Variants in SMPD4 observed in about 807,000 individuals in gnomAD.
SMPD4 encodes sphingomyelin phosphodiesterase 4.
A neutral mutation model predicts 97.8 loss-of-function variants in SMPD4; 58 were observed. The ratio of observed to expected loss-of-function variants is 0.59; its 90% confidence interval spans 0.48 to 0.74. The LOEUF (loss-of-function observed/expected upper bound fraction) is 0.74, where lower values mean the gene tolerates loss of function less well. SMPD4 is among the 30% of genes least tolerant of loss of function. The probability of loss-of-function intolerance (pLI) is 0.00; values close to 1 mark genes in which losing one functional copy is unlikely to be tolerated. For missense variants in SMPD4, 853 were observed against 1,080.5 expected (o/e 0.79, Z 2.95); for synonymous variants, 388 against 450.0 (o/e 0.86, Z 1.74).
At chr2:130,158,698 C>A (rs949707977) in intron 11 of SMPD4, among the ~76,000 whole-genome samples, 2 of 152,072 alleles carry the variant, frequency 1.3e-5, no homozygotes, top group African/African-American at 2.4e-5. Context: ...GGCAGGTGGG[C>A]GCATCGAGAG....
chr2:130,163,157 C>G (rs140116463), intron 10 of SMPD4, among the ~76,000 whole-genome samples: 12 of 152,386 alleles, frequency 7.9e-5, no homozygotes, highest in Non-Finnish European at 1.6e-4. Context: ...CACGCCACGC[C>G]ACATGCACGA....
rs142323338 is a variant in SMPD4 at position 130,159,284 on chromosome 2, C to T, written c.952-1888G>A. On this transcript the variant is annotated intron_variant, in intron 11 of 19. Transcript: ENST00000680298. ...TGCTGGGATTACAAGCATGAGCCAT[C>T]GTGGCTGGCTATTTTTCTCTATCTG... 7.8e-3 allele frequency among the ~76,000 whole-genome samples: 1,186 copies of T among 152,100 alleles called. 17 individuals carry two copies. Among genetic ancestry groups the T allele is most frequent in the African/African-American group, 0.027 (1,117 of 41,514 alleles).
At position 130,152,699 on chromosome 2, in the gene SMPD4, C is replaced by A. The variant is rs577449039; in HGVS notation, c.2340G>T (p.Leu780=). The A allele has an allele frequency of 6.3e-7, 1 of 1,575,614 alleles. No homozygotes were observed. Among genetic ancestry groups the A allele is most frequent in the Non-Finnish European group, 8.6e-7 (1 of 1,161,958 alleles). Residue 780 remains leucine (L), a synonymous_variant, in exon 20 of 20, where the codon CTG becomes CTT. Coordinates refer to ENST00000680298, the MANE Select transcript of SMPD4 (RefSeq NM_017951.5). ...CGAAGAAGGCCAGCAGCAGCGAGAC[C>A]AGCGTCCGGTAACTGCCCAGGAAGC... The part of the protein sequence containing the change: ...SLRFLGSYRT[L]VSLLLAFFVA...
intron 19 of SMPD4, 33 bp from the exon 20 acceptor site, chr2:130,152,917 G>C (rs1300905124): frequency 6.4e-7 from 1 of 1,564,038 alleles, no homozygotes; most frequent in Non-Finnish European, 8.7e-7. Flanking sequence ...GGGATGTGGG[G>C]TGGTGGCACC....
intron 9 of SMPD4, 74 bp from the exon 10 acceptor site, chr2:130,164,519 T>C: frequency 8.1e-7 from 1 of 1,236,362 alleles, no homozygotes; most frequent in South Asian, 1.3e-5. Flanking sequence ...AAGGACAGTG[T>C]CTCCAACAAG....
At position 130,152,150 on chromosome 2, in the gene SMPD4, T is replaced by C; in HGVS notation, c.*405A>G. The C allele has an allele frequency of 5.2e-6, 1 of 192,682 alleles. No individual in the cohort carries two copies. The allele number at this position is 192,682 out of a possible 1,614,324, so 11.9% of individuals were successfully genotyped here. A position where few individuals can be genotyped will look rare whatever the true frequency, so the allele number is the denominator to read the frequency against. ...AGAGAGGAAGCGCCACAACCCACTC[T>C]GCCAACCTCAAGGCCAGCCAGTGGG... On this transcript the variant is annotated 3_prime_UTR_variant, in exon 20 of 20. Coordinates refer to ENST00000680298, the MANE Select transcript of SMPD4 (RefSeq NM_017951.5).
intron 16 of SMPD4, 140 bp downstream of exon 16, chr2:130,154,137 T>G (rs1017346037): frequency 5.0e-6 from 6 of 1,204,228 alleles, no homozygotes; most frequent in Non-Finnish European, 6.9e-6. Flanking sequence ...AAATTAGACT[T>G]TACTAAAACG....
intron 15 of SMPD4, 50 bp from the exon 16 acceptor site, chr2:130,154,532 C>G (rs1178422514): frequency 2.6e-6 from 4 of 1,550,496 alleles, no homozygotes; most frequent in Non-Finnish European, 3.5e-6. Flanking sequence ...GGCAGAGTAC[C>G]CGACTGCTGC....
At chr2:130,174,672 C>A (rs1424949605) in intron 3 of SMPD4, among the ~76,000 whole-genome samples, 3 of 152,168 alleles carry the variant, frequency 2.0e-5, no homozygotes, top group Non-Finnish European at 4.4e-5. Context: ...GATGTGACAA[C>A]CAAAAATGTC....
chr2:130,159,045 G>A (rs574837901), intron 11 of SMPD4, among the ~76,000 whole-genome samples: 9 of 152,140 alleles, frequency 5.9e-5, no homozygotes, highest in African/African-American at 1.9e-4. Context: ...TGTCACCCGC[G>A]CTGTAGTGTC....
Position 130,161,215 on chromosome 2 carries a change from G to A in SMPD4, c.922C>T (p.Pro308Ser). 6.2e-7 allele frequency: 1 copy of A among 1,613,874 alleles called. No individual in the cohort carries two copies. Among genetic ancestry groups the A allele is most frequent in the African/African-American group, 1.3e-5 (1 of 75,050 alleles). ...VSSALYSPAQ[P>S]SLQALHAYQE... Reference sequence around the variant, plus strand: ...TAGGCGTGGAGGGCCTGGAGGCTGGGTTGGGCGGGGCTGTAGAGGGCGCTG... The same window carrying A: ...TAGGCGTGGAGGGCCTGGAGGCTGGATTGGGCGGGGCTGTAGAGGGCGCTG... Residue 308 changes from proline to serine, a missense_variant, in exon 11 of 20, where the codon CCC (proline) becomes TCC (serine). Transcript: ENST00000680298.
intron 9 of SMPD4, among the ~76,000 whole-genome samples, chr2:130,165,531 A>AATT (rs1687851974): frequency 6.6e-6 from 1 of 152,234 alleles, no homozygotes; most frequent in African/African-American, 2.4e-5. Flanking sequence ...TTCAGCCCTA[A>AATT]AAAGCAAGGA....
intron 13 of SMPD4, 143 bp from the exon 14 acceptor site, chr2:130,156,278 GT>G (rs996932369): frequency 2.6e-6 from 2 of 766,758 alleles, no homozygotes; most frequent in Non-Finnish European, 4.2e-6. Flanking sequence ...GCACAGCCCT[GT>G]GAGGTTTGGC....
intron 1 of SMPD4, among the ~76,000 whole-genome samples, chr2:130,179,154 C>G (rs1202072157): frequency 6.8e-6 from 1 of 147,092 alleles, no homozygotes; most frequent in Non-Finnish European, 1.5e-5. Flanking sequence ...GACAGAGTCT[C>G]GCTCTGTTGC....
chr2:130,181,731 G>A, upstream of SMPD4: 1 of 1,548,836 alleles, frequency 6.5e-7, no homozygotes, highest in South Asian at 1.2e-5. Flanking sequence ...GGCGAGGCAG[G>A]AGTGCGGGGG....
rs1236509783 is a variant in SMPD4 at position 130,181,513 on chromosome 2, C to A, written c.-46+17G>T. The A allele has an allele frequency of 1.3e-6, 2 of 1,596,480 alleles. No homozygotes were observed. Among genetic ancestry groups the A allele is most frequent in the Non-Finnish European group, 1.7e-6 (2 of 1,172,746 alleles). On this transcript the variant is annotated intron_variant, in intron 1 of 19. Transcript: ENST00000680298. ...AGGGCGCCGGACCGTCTCAGGCGCG[C>A]ATCCCGCGCCACTCACCTGTGGGAT...
intron 10 of SMPD4, among the ~76,000 whole-genome samples, chr2:130,163,337 C>T (rs547597816): frequency 6.6e-6 from 1 of 152,334 alleles, no homozygotes; most frequent in Admixed American, 6.5e-5. Context: ...CCCCATTCTC[C>T]GCCCATGTGA....
rs2104811919 is a variant in SMPD4 at position 130,156,155 on chromosome 2, T to C, written c.1189-20A>G. 1 of 1,590,686 alleles carries C rather than the reference T, an allele frequency of 6.3e-7. No homozygotes were observed. The highest frequency in any genetic ancestry group is 2.2e-4 in the Middle Eastern group (1 of 4,502). ...CAGGACCTGTGGGGGAGGTGTGTGC[T>C]AAGGGCTCCGTGGCTGGGGGCCAAA... On this transcript the variant is annotated intron_variant, in intron 13 of 19. Coordinates refer to ENST00000680298, the MANE Select transcript of SMPD4 (RefSeq NM_017951.5).
intron 18 of SMPD4, 28 bp downstream of exon 18, chr2:130,153,291 G>A: frequency 1.2e-6 from 2 of 1,613,488 alleles, no homozygotes; most frequent in African/African-American, 1.3e-5. Context: ...GGCCCAGCCT[G>A]TGCGCCTCTG....
Sources: allele counts gnomAD v4.1 joint callset (sites outside exome capture counted in the v4.1 genomes callset), GRCh38; gene constraint gnomAD v4.1.1; transcripts MANE v1.5; gene names NCBI Gene and HGNC (gene_info 2026-07-23, HGNC 2026-07-21).